The following HCN1 variants were observed in gnomAD, a reference collection of about 807,000 sequenced individuals.
HCN1 encodes potassium/sodium hyperpolarization-activated cyclic nucleotide-gated channel 1.
In HCN1, 13 loss-of-function variants were observed where a neutral mutation model predicts 78.9. That is an observed-to-expected ratio of 0.16 (90% CI 0.11 to 0.26). The LOEUF (loss-of-function observed/expected upper bound fraction) is 0.26, where lower values mean the gene tolerates loss of function less well. Among genes scored for constraint, HCN1 ranks in the 10% least tolerant of loss-of-function variants. The probability of loss-of-function intolerance (pLI) is 1.00; values close to 1 mark genes in which losing one functional copy is unlikely to be tolerated. For synonymous variants in HCN1, 552 were observed against 455.5 expected, an observed-to-expected ratio of 1.21 and a Z score of -2.70; for missense variants, 810 against 1,154.3, an observed-to-expected ratio of 0.70 and a Z score of 4.32.
intron 3 of HCN1, among the ~76,000 whole-genome samples, chr5:45,426,140 T>C (rs1037917165): frequency 2.0e-5 from 3 of 152,186 alleles, no homozygotes; most frequent in Admixed American, 1.3e-4. Flanking sequence ...TAGGCAAAAA[T>C]TGTTGAAATC....
chr5:45,568,670 A>G (rs938503284), intron 2 of HCN1, among the ~76,000 whole-genome samples: 2 of 152,090 alleles, frequency 1.3e-5, no homozygotes, highest in African/African-American at 4.8e-5. Context: ...GCAAAAAAAA[A>G]TTAACACTCG....
intron 2 of HCN1, among the ~76,000 whole-genome samples, chr5:45,495,827 T>A (rs1047563454): frequency 6.6e-6 from 1 of 152,240 alleles, no homozygotes; most frequent in African/African-American, 2.4e-5. Context: ...TTGAATTTTG[T>A]CAAAGGCATT....
chr5:45,354,233 T>C (rs571089034), intron 4 of HCN1, among the ~76,000 whole-genome samples: 2 of 152,022 alleles, frequency 1.3e-5, no homozygotes, highest in Non-Finnish European at 2.9e-5. Flanking sequence ...CGTGCATAGA[T>C]ATACACCTTA....
intron 2 of HCN1, among the ~76,000 whole-genome samples, chr5:45,497,920 C>G (rs1196085288): frequency 6.6e-6 from 1 of 152,184 alleles, no homozygotes; most frequent in African/African-American, 2.4e-5. Flanking sequence ...GGCCCCCACT[C>G]TCTTCTGGCT....
intron 3 of HCN1, among the ~76,000 whole-genome samples, chr5:45,450,351 A>G (rs1004787877): frequency 6.6e-6 from 1 of 152,216 alleles, no homozygotes; most frequent in Non-Finnish European, 1.5e-5. Flanking sequence ...TCATACATTG[A>G]TGGAAAATAG....
chr5:45,668,908 A>G (rs557860554), intron 1 of HCN1, among the ~76,000 whole-genome samples: 1 of 152,020 alleles, frequency 6.6e-6, no homozygotes, highest in Non-Finnish European at 1.5e-5. Flanking sequence ...TTATTGACCA[A>G]AGCAAATTCT....
intron 3 of HCN1, among the ~76,000 whole-genome samples, chr5:45,437,737 C>A (rs942789865): frequency 1.3e-5 from 2 of 152,196 alleles, no homozygotes; most frequent in South Asian, 2.1e-4. Flanking sequence ...CAACAATTAT[C>A]TATTGCTGTA....
chr5:45,602,851 C>T (rs745996388), intron 2 of HCN1, among the ~76,000 whole-genome samples: 3 of 151,992 alleles, frequency 2.0e-5, no homozygotes, highest in Non-Finnish European at 4.4e-5. Flanking sequence ...GATTTCACTT[C>T]TATTCTTAAT....
chr5:45,413,861 G>T (rs1465788120), intron 3 of HCN1, among the ~76,000 whole-genome samples: 1 of 151,786 alleles, frequency 6.6e-6, no homozygotes, highest in East Asian at 1.9e-4. Context: ...GAAAAAAATA[G>T]ATTCATAATA....
intron 2 of HCN1, among the ~76,000 whole-genome samples, chr5:45,479,168 C>T (rs145916269): frequency 7.3e-4 from 110 of 151,200 alleles, no homozygotes; most frequent in East Asian, 9.8e-4. Context: ...GAAATGAGCT[C>T]GTGAAGAGTC....
intron 3 of HCN1, among the ~76,000 whole-genome samples, chr5:45,445,226 A>T (rs1018699838): frequency 3.3e-5 from 5 of 152,164 alleles, no homozygotes; most frequent in Non-Finnish European, 7.4e-5. Flanking sequence ...GCGCACCAGG[A>T]GATTATATCC....
intron 2 of HCN1, among the ~76,000 whole-genome samples, chr5:45,600,685 A>G (rs1350916789): frequency 6.6e-6 from 1 of 152,138 alleles, no homozygotes; most frequent in Non-Finnish European, 1.5e-5. Flanking sequence ...TGGCCAATTC[A>G]TAGAGATGTT....
chr5:45,394,468 A>C (rs1162283496), intron 4 of HCN1, among the ~76,000 whole-genome samples: 1 of 152,196 alleles, frequency 6.6e-6, no homozygotes, highest in African/African-American at 2.4e-5. Context: ...CTCATCCACT[A>C]TGTAAAGCCA....
chr5:45,264,114 C>T (rs1168444297), intron 7 of HCN1, among the ~76,000 whole-genome samples: 1 of 152,102 alleles, frequency 6.6e-6, no homozygotes, highest in Non-Finnish European at 1.5e-5. Context: ...TTCTTAAATG[C>T]AGCCAAGACT....
chr5:45,363,064 C>T (rs1747148858), intron 4 of HCN1, among the ~76,000 whole-genome samples: 1 of 143,558 alleles, frequency 7.0e-6, no homozygotes, highest in Admixed American at 7.1e-5. Context: ...ACAAATATAC[C>T]AAATATATAT....
At chr5:45,678,450 T>A (rs1270390225) in intron 1 of HCN1, among the ~76,000 whole-genome samples, 2 of 151,952 alleles carry the variant, frequency 1.3e-5, no homozygotes, top group African/African-American at 4.8e-5. Flanking sequence ...TACATAACAT[T>A]TATATAGTGG....
chr5:45,494,027 T>A (rs1741962603), intron 2 of HCN1, among the ~76,000 whole-genome samples: 1 of 152,166 alleles, frequency 6.6e-6, no homozygotes. Context: ...TGGTTCCAAG[T>A]CTTTGCTATT....
At chr5:45,661,095 A>G (rs1439221531) in intron 1 of HCN1, among the ~76,000 whole-genome samples, 3 of 148,194 alleles carry the variant, frequency 2.0e-5, no homozygotes, top group African/African-American at 7.6e-5. Context: ...AGAAATTATA[A>G]CAAACTGTCT....
chr5:45,525,050 G>A (rs1234058448), intron 2 of HCN1, among the ~76,000 whole-genome samples: 1 of 152,062 alleles, frequency 6.6e-6, no homozygotes, highest in South Asian at 2.1e-4. Context: ...CTAATTTATT[G>A]AGAGTTTTTA....
Sources: gnomAD v4.1 joint callset for allele counts (sites outside exome capture counted in the v4.1 genomes callset) on GRCh38, gnomAD v4.1.1 for gene constraint, MANE v1.5 for transcripts, NCBI Gene and HGNC (gene_info 2026-07-23, HGNC 2026-07-21) for gene names.